The following ERC2 variants were observed in gnomAD, a reference collection of about 807,000 sequenced individuals.
ERC2 encodes ERC protein 2.
In ERC2, 42 loss-of-function variants were observed where a neutral mutation model predicts 114.8. That is an observed-to-expected ratio of 0.37 (90% CI 0.29 to 0.47). The LOEUF is 0.47. Among genes scored for constraint, ERC2 ranks in the 20% least tolerant of loss-of-function variants. The pLI is 0.99. For missense variants in ERC2, 939 were observed against 1,150.7 expected (o/e 0.82, Z 2.66); for synonymous variants, 454 against 425.5 (o/e 1.07, Z -0.82).
intron 14 of ERC2, among the ~76,000 whole-genome samples, chr3:55,830,519 T>G (rs1214627867): frequency 6.6e-6 from 1 of 152,206 alleles, no homozygotes; most frequent in African/African-American, 2.4e-5. Flanking sequence ...ATAATACATT[T>G]GACAAATAGG....
intron 6 of ERC2, among the ~76,000 whole-genome samples, chr3:56,102,976 T>C (rs113339777): frequency 6.6e-6 from 1 of 152,196 alleles, no homozygotes; most frequent in South Asian, 2.1e-4. Flanking sequence ...GTAAATGAGA[T>C]AGTCCTATCT....
intron 1 of ERC2, among the ~76,000 whole-genome samples, chr3:56,435,651 C>T (rs1415143961): frequency 6.6e-6 from 1 of 152,214 alleles, no homozygotes; most frequent in Non-Finnish European, 1.5e-5. Flanking sequence ...TCATTACAGA[C>T]ATCACTAATC....
chr3:55,873,135 A>G lies in ERC2; in HGVS notation c.2564+15254T>C, dbSNP rs539907150. 4.6e-5 allele frequency among the ~76,000 whole-genome samples: 7 copies of G among 152,284 alleles called. No homozygotes were observed. The South Asian group carries it at 1.2e-3, about 27-fold the overall frequency. ...CCCTGGACTAGAGCAACATTTGCCA[A>G]AATAATTCCCCCACAGCTCTCCTGC... On this transcript the variant is annotated intron_variant, in intron 14 of 17. Coordinates refer to ENST00000288221, the MANE Select transcript of ERC2 (RefSeq NM_015576.3).
rs115396301 is a variant in ERC2 at position 56,008,786 on chromosome 3, G to A, written c.1921-1465C>T. ...ATCCCATCAAGTGAAAGGCCTATGAGCAGAATTCAGGTTTCCCTGAGGAAG... is the reference window on the plus strand; with the variant it reads ...ATCCCATCAAGTGAAAGGCCTATGAACAGAATTCAGGTTTCCCTGAGGAAG... On this transcript the variant is annotated intron_variant, in intron 9 of 17. Coordinates refer to ENST00000288221, the MANE Select transcript of ERC2 (RefSeq NM_015576.3). Among the ~76,000 whole-genome samples the A allele has an allele frequency of 2.7e-3, 415 of 152,312 alleles. 5 individuals are homozygous for A. The highest frequency in any genetic ancestry group is 9.5e-3 in the African/African-American group (393 of 41,580).
At chr3:55,829,834 G>C (rs1203012610) in intron 14 of ERC2, among the ~76,000 whole-genome samples, 2 of 151,934 alleles carry the variant, frequency 1.3e-5, no homozygotes, top group African/African-American at 4.8e-5. Context: ...CCAAAATATC[G>C]AACATTTGTG....
intron 2 of ERC2, among the ~76,000 whole-genome samples, chr3:56,341,653 T>C (rs939876488): frequency 4.0e-5 from 6 of 151,820 alleles, no homozygotes; most frequent in Non-Finnish European, 8.8e-5. Context: ...CCAAGCTCTC[T>C]ATCACCAGAT....
At chr3:55,976,392 A>T (rs2069593022) in intron 12 of ERC2, among the ~76,000 whole-genome samples, 1 of 152,064 alleles carries the variant, frequency 6.6e-6, no homozygotes, top group African/African-American at 2.4e-5. Context: ...CCCCTCCATC[A>T]CTGCCTTGAT....
chr3:56,360,713 G>T (rs2058924872), intron 2 of ERC2, among the ~76,000 whole-genome samples: 1 of 152,102 alleles, frequency 6.6e-6, no homozygotes, highest in African/African-American at 2.4e-5. Flanking sequence ...TTCAAGACCA[G>T]CTTGGCCAAC....
In ERC2 at chr3:55,845,232, C is replaced by T. The variant is rs551706848; in HGVS notation, c.2564+43157G>A. 7.2e-5 allele frequency among the ~76,000 whole-genome samples: 11 copies of T among 152,246 alleles called. No individual in the cohort carries two copies. In the East Asian group the frequency reaches 9.7e-4, roughly 13 times the overall value. On this transcript the variant is annotated intron_variant, in intron 14 of 17. Coordinates refer to ENST00000288221, the MANE Select transcript of ERC2 (RefSeq NM_015576.3). ...AAAATAGGCAAAAATGGGCCAGGCG[C>T]GGTGGCTCACGCCTGTAATCCCAGC...
chr3:55,675,903 C>CTTTTT (rs869296098), intron 17 of ERC2, among the ~76,000 whole-genome samples: 868 of 47,728 alleles, frequency 0.018, 113 homozygotes, highest in Non-Finnish European at 0.022. Flanking sequence ...TCTTTTCTTT[C>CTTTTT]TTTTTTTTTT....
At chr3:55,897,023 A>G (rs559197073) in intron 13 of ERC2, among the ~76,000 whole-genome samples, 2 of 152,382 alleles carry the variant, frequency 1.3e-5, no homozygotes, top group South Asian at 4.1e-4. Flanking sequence ...GGCTTTCTAA[A>G]AAGTCCAGTG....
At chr3:56,376,519 C>T (rs1365647112) in intron 2 of ERC2, among the ~76,000 whole-genome samples, 1 of 151,290 alleles carries the variant, frequency 6.6e-6, no homozygotes, top group African/African-American at 2.4e-5. Flanking sequence ...AATCCTAGCA[C>T]TTTGGGAGGC....
intron 7 of ERC2, among the ~76,000 whole-genome samples, chr3:56,038,340 C>T (rs1046025688): frequency 3.5e-4 from 54 of 152,262 alleles, no homozygotes; most frequent in African/African-American, 1.2e-3. Flanking sequence ...AAAAGCTCAA[C>T]ATCACTTATC....
intron 17 of ERC2, among the ~76,000 whole-genome samples, chr3:55,534,336 G>C (rs990553536): frequency 6.6e-6 from 1 of 150,572 alleles, no homozygotes; most frequent in African/African-American, 2.4e-5. Context: ...GGCTGAGATG[G>C]GAGGACTGCT....
chr3:55,568,056 T>C (rs565493322), intron 17 of ERC2, among the ~76,000 whole-genome samples: 2 of 152,368 alleles, frequency 1.3e-5, no homozygotes, highest in South Asian at 2.1e-4. Context: ...AGGGAGATGC[T>C]GTATATTAAA....
intron 1 of ERC2, among the ~76,000 whole-genome samples, chr3:56,456,401 C>G (rs1348066944): frequency 6.6e-6 from 1 of 152,164 alleles, no homozygotes; most frequent in Non-Finnish European, 1.5e-5. Flanking sequence ...AAACACCTTT[C>G]TGAATATGTA....
chr3:55,627,615 G>C (rs952102595), intron 17 of ERC2, among the ~76,000 whole-genome samples: 1 of 152,174 alleles, frequency 6.6e-6, no homozygotes, highest in Non-Finnish European at 1.5e-5. Context: ...AGATTAATGA[G>C]AAGATGAGTG....
intron 2 of ERC2, among the ~76,000 whole-genome samples, chr3:56,332,520 G>A (rs1304465244): frequency 2.0e-5 from 3 of 152,150 alleles, no homozygotes; most frequent in Non-Finnish European, 4.4e-5. Context: ...AGCTCTTTCT[G>A]GTTCCAAGGC....
intron 14 of ERC2, among the ~76,000 whole-genome samples, chr3:55,873,205 G>A (rs2149287002): frequency 6.6e-6 from 1 of 152,202 alleles, no homozygotes; most frequent in South Asian, 2.1e-4. Flanking sequence ...AGAGTGGGCA[G>A]GAAGAAAGGA....
Sources: gnomAD v4.1 joint callset for allele counts (sites outside exome capture counted in the v4.1 genomes callset) on GRCh38, gnomAD v4.1.1 for gene constraint, MANE v1.5 for transcripts, NCBI Gene and HGNC (gene_info 2026-07-23, HGNC 2026-07-21) for gene names.